Variants in ASXL3 observed in about 807,000 individuals in gnomAD.
ASXL3 encodes the protein putative Polycomb group protein ASXL3.
In ASXL3, 34 loss-of-function variants were observed where a neutral mutation model predicts 170.6. That is an observed-to-expected ratio of 0.20 (90% CI 0.15 to 0.27). ASXL3 has a LOEUF of 0.27. Among genes scored for constraint, ASXL3 ranks in the 10% least tolerant of loss-of-function variants. The pLI, the probability that ASXL3 is intolerant of heterozygous loss-of-function variation, is 1.00. For synonymous variants in ASXL3, 1,002 were observed against 989.1 expected (o/e 1.01, Z -0.24); for missense variants, 2,592 against 2,695.3 (o/e 0.96, Z 0.85).
intron 1 of ASXL3, among the ~76,000 whole-genome samples, chr18:33,579,777 T>G (rs2145084616): frequency 6.6e-6 from 1 of 152,242 alleles, no homozygotes; most frequent in African/African-American, 2.4e-5. Context: ...TTACTATCTG[T>G]TATAAATTGG....
chr18:33,675,796 A>G (rs571888047), intron 7 of ASXL3, among the ~76,000 whole-genome samples: 1 of 152,282 alleles, frequency 6.6e-6, no homozygotes, highest in Non-Finnish European at 1.5e-5. Context: ...AGGAGGCACC[A>G]TGGACCCCCT....
chr18:33,675,952 G>A (rs528665202), intron 7 of ASXL3, among the ~76,000 whole-genome samples: 2 of 151,970 alleles, frequency 1.3e-5, no homozygotes, highest in Non-Finnish European at 2.9e-5. Flanking sequence ...TTGGCTGGGT[G>A]CAGTGGCTCA....
At chr18:33,650,935 A>T (rs1459433094) in intron 4 of ASXL3, among the ~76,000 whole-genome samples, 1 of 152,240 alleles carries the variant, frequency 6.6e-6, no homozygotes, top group South Asian at 2.1e-4. Context: ...AAACCTAGAT[A>T]TTGAAAATGT....
At chr18:33,705,374 T>C (rs2066939894) in intron 8 of ASXL3, among the ~76,000 whole-genome samples, 1 of 151,424 alleles carries the variant, frequency 6.6e-6, no homozygotes. Flanking sequence ...GTTTTTTTTT[T>C]TAATTTAACT....
Position 33,750,896 on chromosome 18 carries a change from C to T in ASXL3, c.*4301C>T, listed in dbSNP as rs989548988. ...AGACTGCGACAATTTAATACTGTTA[C>T]GCTTGCTTTGATACCTGACTAAATG... is the stretch of plus-strand genomic sequence containing the variant. On this transcript the variant is annotated 3_prime_UTR_variant, in exon 12 of 12. Transcript: ENST00000269197. The T allele has an allele frequency of 5.9e-5, 9 of 152,194 alleles. No individual in the cohort carries two copies. The highest frequency in any genetic ancestry group is 1.2e-4 in the African/African-American group (5 of 41,458). 9.4% of individuals were successfully genotyped at this position (152,194 alleles called of 1,614,324 possible). A position where few individuals can be genotyped will look rare whatever the true frequency, so the allele number is the denominator to read the frequency against.
At chr18:33,710,979 G>A (rs1202641455) in intron 8 of ASXL3, among the ~76,000 whole-genome samples, 1 of 151,986 alleles carries the variant, frequency 6.6e-6, no homozygotes, top group Admixed American at 6.6e-5. Flanking sequence ...GAATATAATT[G>A]TACTCTTTTC....
intron 4 of ASXL3, among the ~76,000 whole-genome samples, chr18:33,651,346 C>A (rs2065995157): frequency 6.6e-6 from 1 of 152,006 alleles, no homozygotes; most frequent in South Asian, 2.1e-4. Flanking sequence ...ACACTTCCTA[C>A]AGCTGTACAA....
chr18:33,632,563 C>T (rs1263671704), intron 2 of ASXL3, among the ~76,000 whole-genome samples: 1 of 152,198 alleles, frequency 6.6e-6, no homozygotes, highest in Middle Eastern at 3.2e-3. Flanking sequence ...CACCATTCTT[C>T]TCTAGTTCCC....
intron 8 of ASXL3, among the ~76,000 whole-genome samples, chr18:33,708,457 T>C (rs902051741): frequency 1.8e-4 from 27 of 152,172 alleles, no homozygotes; most frequent in Admixed American, 5.9e-4. Flanking sequence ...AATGGACATA[T>C]CTTTCACTCT....
chr18:33,591,585 A>G (rs1486267271), intron 1 of ASXL3, among the ~76,000 whole-genome samples: 1 of 152,162 alleles, frequency 6.6e-6, no homozygotes, highest in Admixed American at 6.5e-5. Context: ...AAAAAGAAAA[A>G]TGAATGCATA....
Position 33,661,610 on chromosome 18 carries a change from T to G in ASXL3, c.356-6T>G. 4 of 1,606,346 alleles carry G rather than the reference T, an allele frequency of 2.5e-6. No individual in the cohort carries two copies. The highest frequency in any genetic ancestry group is 3.4e-6 in the Non-Finnish European group (4 of 1,175,828). On this transcript the variant is annotated splice_region_variant and splice_polypyrimidine_tract_variant and intron_variant, in intron 4 of 11. Coordinates refer to ENST00000269197, the MANE Select transcript of ASXL3 (RefSeq NM_030632.3). ...TAGTAATATCATTATCTCTCTCTGT[T>G]TCTAGTTTGTTCGAAGCAGGTAACT... is the stretch of plus-strand genomic sequence containing the variant.
intron 2 of ASXL3, among the ~76,000 whole-genome samples, chr18:33,627,608 T>C (rs1393755041): frequency 6.6e-6 from 1 of 152,186 alleles, no homozygotes; most frequent in African/African-American, 2.4e-5. Flanking sequence ...AGTAGCATGA[T>C]GACATTAATA....
At chr18:33,592,026 T>A (rs924698353) in intron 1 of ASXL3, among the ~76,000 whole-genome samples, 10 of 152,140 alleles carry the variant, frequency 6.6e-5, no homozygotes, top group Non-Finnish European at 7.4e-5. Context: ...AGTTAAAAGC[T>A]TTAGTGGAGA....
chr18:33,653,780 C>G (rs1003239754), intron 4 of ASXL3, among the ~76,000 whole-genome samples: 4 of 151,938 alleles, frequency 2.6e-5, no homozygotes, highest in African/African-American at 7.2e-5. Context: ...TATACTTCTC[C>G]CTGTGTTCTT....
intron 8 of ASXL3, among the ~76,000 whole-genome samples, chr18:33,692,275 G>C (rs955391529): frequency 3.3e-5 from 5 of 152,154 alleles, no homozygotes; most frequent in Admixed American, 3.3e-4. Context: ...CAGGACATAC[G>C]TATAATTATG....
chr18:33,648,142 TTGTAGAGTTTTGAGC>T (rs2065943395), intron 4 of ASXL3, among the ~76,000 whole-genome samples: 1 of 152,100 alleles, frequency 6.6e-6, no homozygotes, highest in Non-Finnish European at 1.5e-5. Context: ...TATTAAGCCA[TTGTAGAGTTTTGAGC>T]TAGAAAGGCA....
intron 1 of ASXL3, among the ~76,000 whole-genome samples, chr18:33,588,002 G>A (rs910138295): frequency 6.6e-6 from 1 of 151,736 alleles, no homozygotes; most frequent in Admixed American, 6.6e-5. Context: ...AAGTTGTACA[G>A]TTTTAATAGT....
intron 2 of ASXL3, among the ~76,000 whole-genome samples, chr18:33,618,202 CTATT>C (rs985031656): frequency 2.0e-4 from 30 of 152,194 alleles, no homozygotes; most frequent in East Asian, 7.7e-4. Context: ...AATTAAAAGA[CTATT>C]TATCCTTTGT....
intron 1 of ASXL3, among the ~76,000 whole-genome samples, chr18:33,604,518 G>A (rs1284346145): frequency 6.6e-6 from 1 of 151,948 alleles, no homozygotes; most frequent in Non-Finnish European, 1.5e-5. Flanking sequence ...AGAGAGTGAA[G>A]TATAATATTA....
Sources: gnomAD v4.1 joint callset for allele counts (sites outside exome capture counted in the v4.1 genomes callset) on GRCh38, gnomAD v4.1.1 for gene constraint, MANE v1.5 for transcripts, NCBI Gene and HGNC (gene_info 2026-07-23, HGNC 2026-07-21) for gene names.